Variants in APPL2 observed in about 807,000 individuals in gnomAD.
APPL2 encodes adaptor protein, phosphotyrosine interacting with PH domain and leucine zipper 2.
A neutral mutation model predicts 92.7 loss-of-function variants in APPL2; 84 were observed. The ratio of observed to expected loss-of-function variants is 0.91; its 90% confidence interval spans 0.76 to 1.09. APPL2 has a LOEUF of 1.09. Ranked by LOEUF, APPL2 falls within the 50% of genes least tolerant of loss-of-function variation. The probability of loss-of-function intolerance (pLI) is 0.00; values close to 1 mark genes in which losing one functional copy is unlikely to be tolerated. For missense variants in APPL2, 736 were observed against 824.5 expected, an observed-to-expected ratio of 0.89 and a Z score of 1.31; for synonymous variants, 291 against 291.0, an observed-to-expected ratio of 1.00 and a Z score of 0.00.
chr12:105,224,636 C>T (rs1890360529), intron 2 of APPL2, among the ~76,000 whole-genome samples: 1 of 152,210 alleles, frequency 6.6e-6, no homozygotes, highest in Non-Finnish European at 1.5e-5. Flanking sequence ...TATACAAATA[C>T]CTCCCCTCTG....
chr12:105,205,591 TC>T (rs1888631350), intron 8 of APPL2, among the ~76,000 whole-genome samples: 1 of 152,148 alleles, frequency 6.6e-6, no homozygotes. Context: ...TCAAGCAAGT[TC>T]TACAGCACTG....
At chr12:105,204,419 G>A (rs1006646816) in intron 8 of APPL2, among the ~76,000 whole-genome samples, 4 of 152,148 alleles carry the variant, frequency 2.6e-5, no homozygotes, top group Non-Finnish European at 4.4e-5. Flanking sequence ...TCTCAGCATA[G>A]TTCTGACGGC....
chr12:105,208,297 CA>C, intron 5 of APPL2, 98 bp from the exon 6 acceptor site: 4 of 1,445,280 alleles, frequency 2.8e-6, no homozygotes, highest in Non-Finnish European at 3.9e-6. Flanking sequence ...AATATGCGTG[CA>C]AGGGAAGCCC....
intron 1 of APPL2, among the ~76,000 whole-genome samples, chr12:105,230,387 C>G (rs973851871): frequency 5.9e-5 from 9 of 152,144 alleles, no homozygotes; most frequent in Non-Finnish European, 2.9e-5. Context: ...GGCAGATCTA[C>G]TCAAGGGATT....
rs143266379 is a variant in APPL2, at chr12:105,207,168, G to A, written c.514C>T (p.Arg172Trp). The stretch of plus-strand genomic sequence containing the variant: ...TGAAGGGAGGAGAGGTGCTGCTTCC[G>A]CCGGGCCGCGGCCACCTCTTTTCCG... ...EVGKEVAAAR[R>W]KQHLSSLQYY... The change falls in exon 8 of 21, where the codon CGG (arginine) becomes TGG (tryptophan). Residue 172 changes from arginine (R) to tryptophan (W), a missense_variant. By Grantham distance (101) the Arg-to-Trp change is moderately radical. Coordinates refer to ENST00000258530, the MANE Select transcript of APPL2 (RefSeq NM_018171.5). 16 of 1,613,794 alleles carry A rather than the reference G, an allele frequency of 9.9e-6. No homozygotes were observed. The highest frequency in any genetic ancestry group is 2.7e-5 in the African/African-American group (2 of 74,916).
intron 9 of APPL2, among the ~76,000 whole-genome samples, chr12:105,200,749 T>G (rs1055753789): frequency 6.6e-6 from 1 of 152,196 alleles, no homozygotes. Context: ...CCAGTGTTTC[T>G]CCACATGAGC....
At chr12:105,221,377 C>T (rs1257049854) in intron 2 of APPL2, among the ~76,000 whole-genome samples, 1 of 152,174 alleles carries the variant, frequency 6.6e-6, no homozygotes, top group East Asian at 1.9e-4. Flanking sequence ...ATTATTATTT[C>T]CATTTTGTAA....
At chr12:105,203,629 C>G in intron 9 of APPL2, 74 bp downstream of exon 9, 1 of 1,417,268 alleles carries the variant, frequency 7.1e-7, no homozygotes, top group Non-Finnish European at 1.0e-6. Flanking sequence ...GAACCCTCCC[C>G]GTGACCTCCC....
chr12:105,176,486 C>T, intron 19 of APPL2: 1 of 429,346 alleles, frequency 2.3e-6, no homozygotes. Context: ...CATACTAAAC[C>T]AACAGCTTGT....
intron 8 of APPL2, among the ~76,000 whole-genome samples, chr12:105,206,254 G>T (rs1888692245): frequency 6.6e-6 from 1 of 152,202 alleles, no homozygotes; most frequent in African/African-American, 2.4e-5. Context: ...CATATATCAG[G>T]TATTTTTAAG....
chr12:105,209,785 G>T (rs185646950), intron 5 of APPL2, among the ~76,000 whole-genome samples: 185 of 152,244 alleles, frequency 1.2e-3, no homozygotes, highest in African/African-American at 4.2e-3. Context: ...TTCCTGCTTT[G>T]TTTAATCAAG....
chr12:105,231,269 T>C (rs1890898689), intron 1 of APPL2, among the ~76,000 whole-genome samples: 1 of 148,830 alleles, frequency 6.7e-6, no homozygotes. Flanking sequence ...CTCTAAGGGA[T>C]AAAAACAGAC....
chr12:105,199,882 G>A (rs996194806), intron 9 of APPL2, among the ~76,000 whole-genome samples: 1 of 151,664 alleles, frequency 6.6e-6, no homozygotes, highest in Non-Finnish European at 1.5e-5. Flanking sequence ...ACAGTGGCGC[G>A]ATCTCCTCTC....
At chr12:105,235,646 G>A (rs1309995114) in intron 1 of APPL2, among the ~76,000 whole-genome samples, 1 of 152,206 alleles carries the variant, frequency 6.6e-6, no homozygotes, top group Non-Finnish European at 1.5e-5. Flanking sequence ...GTTTTCCTGA[G>A]GCACTCAGCT....
At chr12:105,193,649 A>G (rs1273224594) in intron 14 of APPL2, among the ~76,000 whole-genome samples, 4 of 152,172 alleles carry the variant, frequency 2.6e-5, no homozygotes, top group Non-Finnish European at 5.9e-5. Flanking sequence ...AAAGCATGCT[A>G]CTTGTATCAA....
chr12:105,205,519 G>C (rs1888624727), intron 8 of APPL2, among the ~76,000 whole-genome samples: 1 of 152,170 alleles, frequency 6.6e-6, no homozygotes, highest in Non-Finnish European at 1.5e-5. Context: ...CCTTGGCCAT[G>C]AATGAGAATG....
chr12:105,224,465 G>A (rs947891615), intron 2 of APPL2, among the ~76,000 whole-genome samples: 14 of 152,232 alleles, frequency 9.2e-5, no homozygotes, highest in African/African-American at 3.1e-4. Flanking sequence ...TGCCATTAAT[G>A]GTGGCTAGCG....
chr12:105,177,018 T>G lies in APPL2; in HGVS notation c.1672-2A>C, dbSNP rs772758389. ...TTGTGTGACACTGGTAAGTTCAAAC[T>G]GGGGGGTGGAAAAAAAGGCAACAGA... On this transcript the variant is annotated splice_acceptor_variant, in intron 18 of 20. Coordinates refer to ENST00000258530, the MANE Select transcript of APPL2 (RefSeq NM_018171.5). LOFTEE classifies it high-confidence loss of function. 22 of 1,613,630 alleles carry G rather than the reference T, an allele frequency of 1.4e-5. No individual in the cohort carries two copies. The highest frequency in any genetic ancestry group is 3.3e-5 in the Admixed American group (2 of 59,924).
intron 8 of APPL2, among the ~76,000 whole-genome samples, chr12:105,205,635 A>AG (rs1354148578): frequency 6.6e-6 from 1 of 152,214 alleles, no homozygotes; most frequent in African/African-American, 2.4e-5. Context: ...CATCCTTCCA[A>AG]GATGCTAGAT....
Sources: gnomAD v4.1 joint callset for allele counts (sites outside exome capture counted in the v4.1 genomes callset) on GRCh38, gnomAD v4.1.1 for gene constraint, MANE v1.5 for transcripts, NCBI Gene and HGNC (gene_info 2026-07-23, HGNC 2026-07-21) for gene names.